The following TYW1B variants were observed in gnomAD, a reference collection of about 807,000 sequenced individuals.
TYW1B encodes the protein S-adenosyl-L-methionine-dependent tRNA 4-demethylwyosine synthase TYW1B.
Under a neutral mutation model 86.9 loss-of-function variants are expected in TYW1B, and 73 were observed. The ratio of observed to expected loss-of-function variants is 0.84; its 90% confidence interval spans 0.70 to 1.02. TYW1B has a LOEUF of 1.02. Among genes scored for constraint, TYW1B ranks in the 50% least tolerant of loss-of-function variants. TYW1B has a pLI of 0.00. For missense variants in TYW1B, 637 were observed against 827.4 expected, an observed-to-expected ratio of 0.77 and a Z score of 2.82; for synonymous variants, 248 against 292.8, an observed-to-expected ratio of 0.85 and a Z score of 1.56.
At chr7:72,599,574 G>C (rs1415303111) in intron 13 of TYW1B, among the ~76,000 whole-genome samples, 1 of 152,046 alleles carries the variant, frequency 6.6e-6, no homozygotes, top group Non-Finnish European at 1.5e-5. Context: ...ATACAGATTA[G>C]GAAGGAGGAA....
intron 11 of TYW1B, among the ~76,000 whole-genome samples, chr7:72,678,942 A>C (rs1486022042): frequency 1.3e-5 from 2 of 151,892 alleles, no homozygotes; most frequent in Non-Finnish European, 1.5e-5. Context: ...CAAGTTAAAG[A>C]ATCAAAAAAA....
At chr7:72,728,143 A>T (rs1554459097) in intron 9 of TYW1B, among the ~76,000 whole-genome samples, 1 of 152,076 alleles carries the variant, frequency 6.6e-6, no homozygotes, top group Non-Finnish European at 1.5e-5. Flanking sequence ...ACTAACTAAC[A>T]TTATTTAAGA....
intron 12 of TYW1B, among the ~76,000 whole-genome samples, chr7:72,627,171 G>A (rs1182090630): frequency 6.6e-6 from 1 of 152,016 alleles, no homozygotes; most frequent in African/African-American, 2.4e-5. Context: ...CTCAGGCCCG[G>A]CGCGGTAGTT....
intron 12 of TYW1B, among the ~76,000 whole-genome samples, chr7:72,626,494 T>C (rs575813024): frequency 2.6e-5 from 4 of 152,242 alleles, no homozygotes; most frequent in African/African-American, 9.6e-5. Flanking sequence ...AACTTCTACT[T>C]GGATATTTAA....
chr7:72,656,120 G>A (rs1313325501), intron 11 of TYW1B, among the ~76,000 whole-genome samples: 1 of 152,056 alleles, frequency 6.6e-6, no homozygotes, highest in Non-Finnish European at 1.5e-5. Flanking sequence ...AAATGATTGG[G>A]CTGATATCCC....
chr7:72,616,582 A>C, intron 13 of TYW1B, 90 bp downstream of exon 13: 3 of 1,596,460 alleles, frequency 1.9e-6, no homozygotes, highest in Non-Finnish European at 2.6e-6. Context: ...GATCATCCCT[A>C]TAACAACGTA....
intron 7 of TYW1B, among the ~76,000 whole-genome samples, chr7:72,764,569 C>T (rs548634377): frequency 2.0e-5 from 3 of 152,306 alleles, no homozygotes; most frequent in African/African-American, 7.2e-5. Context: ...GGGTGAGCCA[C>T]CGCACCCAGC....
chr7:72,806,385 G>A (rs1301242388), intron 5 of TYW1B, among the ~76,000 whole-genome samples: 21 of 151,724 alleles, frequency 1.4e-4, no homozygotes, highest in African/African-American at 4.4e-4. Flanking sequence ...ACAGGTGCCC[G>A]CCACCACACC....
At chr7:72,610,902 C>CA (rs1317741312) in intron 13 of TYW1B, among the ~76,000 whole-genome samples, 9 of 152,348 alleles carry the variant, frequency 5.9e-5, no homozygotes, top group Non-Finnish European at 1.2e-4. Context: ...TAAAGCTCTT[C>CA]AGTGCCTCCC....
At chr7:72,601,751 G>GA (rs782093005) in intron 13 of TYW1B, among the ~76,000 whole-genome samples, 4,709 of 108,896 alleles carry the variant, frequency 0.043, 298 homozygotes, top group African/African-American at 0.15. Context: ...ATTGCTAAGT[G>GA]AAAAAAAAAA....
chr7:72,666,860 T>C (rs1313011063), intron 11 of TYW1B, among the ~76,000 whole-genome samples: 1 of 151,408 alleles, frequency 6.6e-6, no homozygotes, highest in Non-Finnish European at 1.5e-5. Context: ...TGAAACCCCA[T>C]CTCTACTAAA....
chr7:72,576,811 C>T (rs1293320844), intron 13 of TYW1B, among the ~76,000 whole-genome samples: 1 of 151,738 alleles, frequency 6.6e-6, no homozygotes, highest in Non-Finnish European at 1.5e-5. Flanking sequence ...CACACCCGGC[C>T]CATGCCACTA....
At chr7:72,632,487 C>CGTATATATATAAAATATATATAT in intron 11 of TYW1B, among the ~76,000 whole-genome samples, 1 of 111,912 alleles carries the variant, frequency 8.9e-6, no homozygotes, top group African/African-American at 3.7e-5. Flanking sequence ...TATATATATA[C>CGTATATATATAAAATATATATAT]ACATATATAC....
chr7:72,658,843 C>A (rs1183523932), intron 11 of TYW1B, among the ~76,000 whole-genome samples: 1 of 152,110 alleles, frequency 6.6e-6, no homozygotes, highest in Non-Finnish European at 1.5e-5. Flanking sequence ...GTCTCGGCCT[C>A]CCAAGCAGCT....
At chr7:72,753,356 T>C (rs1385879547) in intron 7 of TYW1B, among the ~76,000 whole-genome samples, 1 of 151,908 alleles carries the variant, frequency 6.6e-6, no homozygotes, top group Non-Finnish European at 1.5e-5. Flanking sequence ...GAAGAAAGCA[T>C]AACTGAACAA....
intron 11 of TYW1B, among the ~76,000 whole-genome samples, chr7:72,651,026 G>C (rs1460285008): frequency 6.6e-6 from 1 of 152,148 alleles, no homozygotes. Context: ...GCACAGGCAA[G>C]ACCATTTTGG....
intron 13 of TYW1B, among the ~76,000 whole-genome samples, chr7:72,580,054 T>C (rs576362344): frequency 6.6e-6 from 1 of 152,114 alleles, no homozygotes; most frequent in East Asian, 1.9e-4. Context: ...TCTCCAAATA[T>C]AGCCACACTG....
chr7:72,713,705 T>C lies in TYW1B; in HGVS notation c.1286A>G (p.Glu429Gly), dbSNP rs1786722245. ...GAGTAGCTTCAAAAACCTGTTGATC[T>C]CTGGGTACATTATTGGTTCTCCCAC... The part of the protein sequence containing the change: ...SLVGEPIMYP[E>G]INRFLKLLHQ... The change falls in exon 10 of 14, where the codon GAG (glutamate) becomes GGG (glycine). Residue 429 changes from glutamate (E) to glycine (G), a missense_variant. Glu to Gly is a moderately conservative substitution (Grantham distance 98, BLOSUM62 -2). Transcript: ENST00000620995. The C allele has an allele frequency of 6.2e-7, 1 of 1,613,736 alleles. No homozygotes were observed. Among genetic ancestry groups the C allele is most frequent in the Non-Finnish European group, 8.5e-7 (1 of 1,179,972 alleles).
intron 11 of TYW1B, among the ~76,000 whole-genome samples, chr7:72,692,874 G>A (rs1425189504): frequency 1.3e-5 from 2 of 152,174 alleles, no homozygotes; most frequent in African/African-American, 4.8e-5. Context: ...ACGTAAGCAG[G>A]GAAGCATGGC....
Sources: gnomAD v4.1 joint callset for allele counts (sites outside exome capture counted in the v4.1 genomes callset) on GRCh38, gnomAD v4.1.1 for gene constraint, MANE v1.5 for transcripts, NCBI Gene and HGNC (gene_info 2026-07-23, HGNC 2026-07-21) for gene names.